SHISAL1: variants seen among roughly 807,000 people sequenced by gnomAD.
SHISAL1 encodes the protein protein shisa-like-1.
Under a neutral mutation model 22.6 loss-of-function variants are expected in SHISAL1, and 9 were observed. The observed-to-expected ratio is 0.40, with a 90% CI of 0.24 to 0.70. The LOEUF is 0.70. SHISAL1 is among the 30% of genes least tolerant of loss of function. The probability of loss-of-function intolerance (pLI) is 0.39; values close to 1 mark genes in which losing one functional copy is unlikely to be tolerated. For synonymous variants in SHISAL1, 119 were observed against 115.4 expected (o/e 1.03, Z -0.20); for missense variants, 246 against 270.6 (o/e 0.91, Z 0.64).
intron 4 of SHISAL1, among the ~76,000 whole-genome samples, chr22:44,260,869 C>A (rs368763632): frequency 2.6e-5 from 4 of 152,026 alleles, no homozygotes; most frequent in African/African-American, 7.2e-5. Flanking sequence ...GCAGTCTTTG[C>A]ACTCCCCAGA....
At position 44,246,394 on chromosome 22, in the gene SHISAL1, A is replaced by G. The variant is rs968589100; in HGVS notation, c.*3291T>C. 18 of 152,186 alleles carry G rather than the reference A, an allele frequency of 1.2e-4. No homozygotes were observed. The highest frequency in any genetic ancestry group is 4.1e-4 in the African/African-American group (17 of 41,436). The allele number at this position is 152,186 out of a possible 1,614,324, so 9.4% of individuals were successfully genotyped here. Reference sequence around the variant, plus strand: ...TTCTTTTTGTATTATTATTATTACAAATTACATGGTGATGGACAGAAGCTC... The same window carrying G: ...TTCTTTTTGTATTATTATTATTACAGATTACATGGTGATGGACAGAAGCTC... On this transcript the variant is annotated 3_prime_UTR_variant, in exon 5 of 5. Coordinates refer to ENST00000381176, the MANE Select transcript of SHISAL1 (RefSeq NM_001099294.2).
At chr22:44,286,791 G>T (rs1311175896) in intron 3 of SHISAL1, among the ~76,000 whole-genome samples, 1 of 152,200 alleles carries the variant, frequency 6.6e-6, no homozygotes, top group Non-Finnish European at 1.5e-5. Context: ...TCCAGGGCTT[G>T]CCACAGCAGC....
At chr22:44,323,411 A>C in the SHISAL1 span, among the ~76,000 whole-genome samples, 2 of 141,812 alleles carry the variant, frequency 1.4e-5, no homozygotes, top group African/African-American at 5.4e-5. Flanking sequence ...CCATCCATCC[A>C]TTCATTCATC....
intron 4 of SHISAL1, among the ~76,000 whole-genome samples, chr22:44,266,370 C>G (rs570722230): frequency 1.4e-5 from 2 of 141,972 alleles, no homozygotes; most frequent in East Asian, 4.1e-4. Context: ...GTGGACGAGG[C>G]AGTGGGGTGT....
chr22:44,257,597 C>T (rs1415517714), intron 4 of SHISAL1, among the ~76,000 whole-genome samples: 1 of 152,220 alleles, frequency 6.6e-6, no homozygotes, highest in African/African-American at 2.4e-5. Flanking sequence ...AAAATAAAAT[C>T]TATTCATTAC....
intron 4 of SHISAL1, among the ~76,000 whole-genome samples, chr22:44,259,160 C>T (rs984042654): frequency 1.3e-5 from 2 of 152,148 alleles, no homozygotes; most frequent in African/African-American, 2.4e-5. Flanking sequence ...CGGCCAGAAG[C>T]GGGCCAGGTG....
At chr22:44,270,865 G>A (rs1601785084) in intron 4 of SHISAL1, among the ~76,000 whole-genome samples, 1 of 152,142 alleles carries the variant, frequency 6.6e-6, no homozygotes, top group Non-Finnish European at 1.5e-5. Context: ...GGGATACAAC[G>A]AGCCCAGAGC....
chr22:44,310,542 C>T lies in SHISAL1; in HGVS notation c.-33+2209G>A, dbSNP rs2055511043. On this transcript the variant is annotated intron_variant, in intron 1 of 4. Coordinates refer to ENST00000381176, the MANE Select transcript of SHISAL1 (RefSeq NM_001099294.2). This position sits in a 1 kb window ranked among gnomAD's most constrained non-coding sequence, Gnocchi z 4.0. Reference sequence around the variant, plus strand: ...AGCTTCCTCATCTGTGAAACGGGAGCCGTGCCCCACACCTTGCAGGTATAC... The same window carrying T: ...AGCTTCCTCATCTGTGAAACGGGAGTCGTGCCCCACACCTTGCAGGTATAC... Among the ~76,000 whole-genome samples the T allele has an allele frequency of 1.3e-5, 2 of 152,154 alleles. No homozygotes were observed. Among genetic ancestry groups the T allele is most frequent in the African/African-American group, 2.4e-5 (1 of 41,444 alleles).
chr22:44,284,610 C>T (rs2055298570), intron 4 of SHISAL1, among the ~76,000 whole-genome samples: 1 of 152,200 alleles, frequency 6.6e-6, no homozygotes, highest in Non-Finnish European at 1.5e-5. Context: ...ATCCGAACCT[C>T]TCACTCTAGC....
At chr22:44,255,494 C>T (rs1006035699) in intron 4 of SHISAL1, among the ~76,000 whole-genome samples, 8 of 152,290 alleles carry the variant, frequency 5.3e-5, no homozygotes, top group South Asian at 2.1e-4. Flanking sequence ...CTTTCATACC[C>T]CATATCCAAC....
chr22:44,324,941 C>T, the SHISAL1 span, among the ~76,000 whole-genome samples: 1 of 152,226 alleles, frequency 6.6e-6, no homozygotes, highest in Non-Finnish European at 1.5e-5. Flanking sequence ...ACAATTTAAA[C>T]AGCAAAGGCC....
At chr22:44,273,877 T>C (rs992817548) in intron 4 of SHISAL1, among the ~76,000 whole-genome samples, 1 of 152,068 alleles carries the variant, frequency 6.6e-6, no homozygotes, top group African/African-American at 2.4e-5. Context: ...GAAATACAAT[T>C]AATTAACAAA....
At chr22:44,331,139 C>G in the SHISAL1 span, among the ~76,000 whole-genome samples, 1 of 152,116 alleles carries the variant, frequency 6.6e-6, no homozygotes, top group Admixed American at 6.5e-5. The surrounding 1 kb of genome is among the most constrained non-coding windows in gnomAD (Gnocchi z 5.2). Context: ...GGAACCCAGC[C>G]CCTTCCTCTC....
upstream of SHISAL1, among the ~76,000 whole-genome samples, chr22:44,313,134 C>T (rs2055532336): frequency 1.3e-5 from 2 of 152,236 alleles, no homozygotes; most frequent in Non-Finnish European, 2.9e-5. Flanking sequence ...GCAAGAGCCC[C>T]ATTTTACAGG....
At chr22:44,289,913 A>C (rs1253828759) in intron 3 of SHISAL1, among the ~76,000 whole-genome samples, 2 of 152,260 alleles carry the variant, frequency 1.3e-5, no homozygotes, top group Non-Finnish European at 2.9e-5. Context: ...CAAGATGTGA[A>C]GGCAGCCAAA....
Position 44,248,878 on chromosome 22 carries a change from C to T in SHISAL1, c.*807G>A, listed in dbSNP as rs537805016. 5 of 152,312 alleles carry T rather than the reference C, an allele frequency of 3.3e-5. No homozygotes were observed. The highest frequency in any genetic ancestry group is 3.3e-4 in the Admixed American group (5 of 15,296). The allele number at this position is 152,312 out of a possible 1,614,324, so 9.4% of individuals were successfully genotyped here. A position where few individuals can be genotyped will look rare whatever the true frequency, so the allele number is the denominator to read the frequency against. ...CGCTTCCCCACTGTGAGTTTTTCTGCAGGGGGTTAATCATACCTGCCTCCC... is the reference window on the plus strand; with the variant it reads ...CGCTTCCCCACTGTGAGTTTTTCTGTAGGGGGTTAATCATACCTGCCTCCC... On this transcript the variant is annotated 3_prime_UTR_variant, in exon 5 of 5. Coordinates refer to ENST00000381176, the MANE Select transcript of SHISAL1 (RefSeq NM_001099294.2).
upstream of SHISAL1, among the ~76,000 whole-genome samples, chr22:44,313,987 C>T (rs986682912): frequency 6.6e-6 from 1 of 152,152 alleles, no homozygotes; most frequent in African/African-American, 2.4e-5. Flanking sequence ...GCTATGGGCG[C>T]CCAGAGTGCC....
chr22:44,262,340 C>T (rs949992717), intron 4 of SHISAL1, among the ~76,000 whole-genome samples: 1 of 151,912 alleles, frequency 6.6e-6, no homozygotes, highest in Non-Finnish European at 1.5e-5. Context: ...ACAAAGCCTT[C>T]ATCTGCCAGG....
At chr22:44,253,062 G>T (rs1018173204) in intron 4 of SHISAL1, among the ~76,000 whole-genome samples, 17 of 151,960 alleles carry the variant, frequency 1.1e-4, no homozygotes, top group Non-Finnish European at 2.2e-4. Flanking sequence ...AGGGATGATG[G>T]TGATGGTTGC....
Sources: gnomAD v4.1 joint callset for allele counts (sites outside exome capture counted in the v4.1 genomes callset) on GRCh38, gnomAD v4.1.1 for gene constraint, Gnocchi (gnomAD v3.1) non-coding constraint, MANE v1.5 for transcripts, NCBI Gene and HGNC (gene_info 2026-07-23, HGNC 2026-07-21) for gene names.